The following PPP2R5E variants were observed in gnomAD, a reference collection of about 807,000 sequenced individuals.
The protein encoded by PPP2R5E is protein phosphatase 2 regulatory subunit B'epsilon.
A neutral mutation model predicts 65.3 loss-of-function variants in PPP2R5E; 4 were observed. The observed-to-expected ratio is 0.06, with a 90% CI of 0.03 to 0.14. The LOEUF (loss-of-function observed/expected upper bound fraction) is 0.14. Among genes scored for constraint, PPP2R5E ranks in the 10% least tolerant of loss-of-function variants. The probability of loss-of-function intolerance (pLI) is 1.00; values close to 1 mark genes in which losing one functional copy is unlikely to be tolerated. For missense variants in PPP2R5E, 274 were observed against 556.1 expected, an observed-to-expected ratio of 0.49 and a Z score of 5.10; for synonymous variants, 183 against 187.4, an observed-to-expected ratio of 0.98 and a Z score of 0.19.
chr14:63,376,265 T>C (rs1354012658), intron 13 of PPP2R5E, among the ~76,000 whole-genome samples, 157 bp from the exon 14 acceptor site: 1 of 152,244 alleles, frequency 6.6e-6, no homozygotes, highest in Non-Finnish European at 1.5e-5. Flanking sequence ...GAATGACTTA[T>C]ATGCATCAGT....
intron 2 of PPP2R5E, among the ~76,000 whole-genome samples, chr14:63,528,752 A>T (rs1893287613): frequency 6.6e-6 from 1 of 152,220 alleles, no homozygotes; most frequent in African/African-American, 2.4e-5. Flanking sequence ...TATGAAGGAA[A>T]AATAAATGCC....
chr14:63,408,219 T>G (rs1341335748), intron 5 of PPP2R5E, among the ~76,000 whole-genome samples: 3 of 149,254 alleles, frequency 2.0e-5, no homozygotes, highest in Non-Finnish European at 4.4e-5. Flanking sequence ...ATTTTCCAAT[T>G]TTCTAATAAT....
At position 63,539,548 on chromosome 14, in the gene PPP2R5E, T is replaced by G; in HGVS notation, c.138A>C (p.Thr46=). 6.2e-7 allele frequency: 1 copy of G among 1,613,986 alleles called. No homozygotes were observed. The change falls in exon 2 of 14, where the codon ACA becomes ACC. Residue 46 remains threonine, a synonymous_variant. Coordinates refer to ENST00000337537, the MANE Select transcript of PPP2R5E (RefSeq NM_006246.5). ...CCTTACCTTTTAGCAGCGGCAGAGG[T>G]GTTAACTCAATAGGCTTGCCTTGAG... ...FRSQGKPIEL[T]PLPLLKDVPS... is the part of the protein sequence containing the mutation.
chr14:63,524,979 C>T (rs534809736), intron 2 of PPP2R5E, among the ~76,000 whole-genome samples: 1 of 152,340 alleles, frequency 6.6e-6, no homozygotes, highest in East Asian at 1.9e-4. Context: ...TTATGACTAA[C>T]GGCCACAACA....
chr14:63,536,829 T>C (rs916303407), intron 2 of PPP2R5E, among the ~76,000 whole-genome samples: 4 of 152,060 alleles, frequency 2.6e-5, no homozygotes, highest in Non-Finnish European at 5.9e-5. Context: ...GTCAAATTCA[T>C]AGAAACAAAA....
At chr14:63,526,077 C>A (rs564322278) in intron 2 of PPP2R5E, among the ~76,000 whole-genome samples, 1 of 152,240 alleles carries the variant, frequency 6.6e-6, no homozygotes, top group Non-Finnish European at 1.5e-5. Flanking sequence ...CCAGGCTGGT[C>A]TCGAACTCCT....
At chr14:63,454,893 C>T (rs1336775040) in intron 2 of PPP2R5E, among the ~76,000 whole-genome samples, 1 of 152,186 alleles carries the variant, frequency 6.6e-6, no homozygotes, top group East Asian at 1.9e-4. Flanking sequence ...AAGCAGGTGG[C>T]ATTATTCTTC....
intron 2 of PPP2R5E, among the ~76,000 whole-genome samples, chr14:63,476,726 T>C (rs1400070162): frequency 6.6e-6 from 1 of 152,180 alleles, no homozygotes; most frequent in South Asian, 2.1e-4. Flanking sequence ...ACTGTTCTTC[T>C]ATCCTTAGAT....
At chr14:63,518,750 G>A (rs1566758042) in intron 2 of PPP2R5E, among the ~76,000 whole-genome samples, 1 of 152,026 alleles carries the variant, frequency 6.6e-6, no homozygotes, top group Non-Finnish European at 1.5e-5. Context: ...CCAACAATAA[G>A]ACTACCTCAA....
At chr14:63,527,599 T>G (rs1402487063) in intron 2 of PPP2R5E, among the ~76,000 whole-genome samples, 1 of 152,220 alleles carries the variant, frequency 6.6e-6, no homozygotes, top group African/African-American at 2.4e-5. Flanking sequence ...ATATGGCTTC[T>G]ATTACTCTCC....
At chr14:63,467,633 C>T (rs1234528092) in intron 2 of PPP2R5E, among the ~76,000 whole-genome samples, 1 of 152,190 alleles carries the variant, frequency 6.6e-6, no homozygotes, top group Admixed American at 6.5e-5. Context: ...TCTCAAAAGT[C>T]TGTCAGTTAT....
intron 2 of PPP2R5E, among the ~76,000 whole-genome samples, chr14:63,481,822 GA>G: frequency 6.6e-6 from 1 of 152,270 alleles, no homozygotes; most frequent in Non-Finnish European, 1.5e-5. Context: ...AGAAGTATGA[GA>G]GGGTTATCGG....
At chr14:63,527,169 C>CA (rs200067221) in intron 2 of PPP2R5E, among the ~76,000 whole-genome samples, 3,303 of 150,174 alleles carry the variant, frequency 0.022, 55 homozygotes, top group Non-Finnish European at 0.033. Context: ...AACTCCGTCT[C>CA]AAAAAAAAAG....
intron 3 of PPP2R5E, among the ~76,000 whole-genome samples, chr14:63,434,607 T>C (rs1887861437): frequency 6.6e-6 from 1 of 152,240 alleles, no homozygotes. Flanking sequence ...ATGGATATCC[T>C]TAATTTCTTT....
chr14:63,466,015 G>A (rs74360650), intron 2 of PPP2R5E, among the ~76,000 whole-genome samples: 3,872 of 151,876 alleles, frequency 0.025, 101 homozygotes, highest in Non-Finnish European at 0.029. Context: ...CCCACAACCC[G>A]GCCAAAAAAA....
intron 3 of PPP2R5E, among the ~76,000 whole-genome samples, chr14:63,447,281 G>C (rs367576534): frequency 3.3e-5 from 5 of 152,220 alleles, no homozygotes; most frequent in East Asian, 3.8e-4. Context: ...TCTGTTGTTT[G>C]GTGTAGCCAC....
chr14:63,518,511 T>C (rs977919127), intron 2 of PPP2R5E, among the ~76,000 whole-genome samples: 1 of 152,200 alleles, frequency 6.6e-6, no homozygotes, highest in African/African-American at 2.4e-5. Flanking sequence ...CCCAAATCAC[T>C]GTAATTACAG....
intron 2 of PPP2R5E, among the ~76,000 whole-genome samples, chr14:63,475,634 C>T (rs1365623639): frequency 6.6e-6 from 1 of 152,032 alleles, no homozygotes; most frequent in Non-Finnish European, 1.5e-5. Flanking sequence ...TGAAGACTAA[C>T]AATTTTTGGA....
chr14:63,465,137 A>C (rs1889718989), intron 2 of PPP2R5E, among the ~76,000 whole-genome samples: 1 of 152,098 alleles, frequency 6.6e-6, no homozygotes, highest in Non-Finnish European at 1.5e-5. Context: ...TCCACAAAAA[A>C]GTCATCATTC....
Sources: gnomAD v4.1 joint callset for allele counts (sites outside exome capture counted in the v4.1 genomes callset) on GRCh38, gnomAD v4.1.1 for gene constraint, MANE v1.5 for transcripts, NCBI Gene and HGNC (gene_info 2026-07-23, HGNC 2026-07-21) for gene names.